The following AFG2A variants were observed in gnomAD, a reference collection of about 807,000 sequenced individuals.
AFG2A encodes the protein ATPase family gene 2 protein homolog A.
chr4:123,228,140 T>C, the AFG2A span, among the ~76,000 whole-genome samples: 4 of 152,176 alleles, frequency 2.6e-5, no homozygotes, highest in Admixed American at 2.0e-4. Flanking sequence ...GTTTCCTGAA[T>C]ACAGCACACT....
At chr4:123,193,306 A>G in the AFG2A span, among the ~76,000 whole-genome samples, 1 of 152,240 alleles carries the variant, frequency 6.6e-6, no homozygotes, top group South Asian at 2.1e-4. Flanking sequence ...GTACACTCAG[A>G]AAGTTTCTAA....
chr4:123,017,605 C>T, the AFG2A span, among the ~76,000 whole-genome samples: 2 of 151,874 alleles, frequency 1.3e-5, no homozygotes, highest in Non-Finnish European at 2.9e-5. Context: ...GTTTTCTCAA[C>T]CTTTTTTTTC....
At chr4:123,252,368 A>G in the AFG2A span, among the ~76,000 whole-genome samples, 1 of 152,198 alleles carries the variant, frequency 6.6e-6, no homozygotes, top group African/African-American at 2.4e-5. Flanking sequence ...CAAATTAACT[A>G]TGAGATTGTG....
the AFG2A span, among the ~76,000 whole-genome samples, chr4:123,025,084 G>A: frequency 6.6e-6 from 1 of 152,204 alleles, no homozygotes. Context: ...ATTAAATAAA[G>A]TGGTAACAAA....
At chr4:123,043,078 A>G in the AFG2A span, among the ~76,000 whole-genome samples, 1 of 152,088 alleles carries the variant, frequency 6.6e-6, no homozygotes, top group Admixed American at 6.6e-5. Flanking sequence ...TACTAGTGAC[A>G]TATCCTCTCA....
chr4:123,081,364 T>C, the AFG2A span, among the ~76,000 whole-genome samples: 1 of 152,210 alleles, frequency 6.6e-6, no homozygotes, highest in Non-Finnish European at 1.5e-5. Context: ...CTATGCAGTG[T>C]TCCTGTAGTT....
At chr4:123,147,196 G>A in the AFG2A span, among the ~76,000 whole-genome samples, 1 of 152,076 alleles carries the variant, frequency 6.6e-6, no homozygotes, top group Non-Finnish European at 1.5e-5. Context: ...TGTCTTGGTT[G>A]TGCATGGTAT....
the AFG2A span, among the ~76,000 whole-genome samples, chr4:123,016,575 A>G: frequency 2.7e-5 from 4 of 150,548 alleles, no homozygotes; most frequent in Non-Finnish European, 5.9e-5. Context: ...GCGGCCGGGT[A>G]GAGGTGCTCC....
At chr4:123,264,661 C>G in the AFG2A span, among the ~76,000 whole-genome samples, 3,248 of 152,186 alleles carry the variant, frequency 0.021, 105 homozygotes, top group African/African-American at 0.074. Context: ...TGTACCACTC[C>G]CCTTTTCCCT....
At chr4:123,255,934 C>T in the AFG2A span, 3 of 1,520,582 alleles carry the variant, frequency 2.0e-6, no homozygotes, top group Non-Finnish European at 2.7e-6. Context: ...CGTGAAATTC[C>T]AGACATCTTT....
the AFG2A span, among the ~76,000 whole-genome samples, chr4:123,273,348 C>T: frequency 6.6e-6 from 1 of 151,950 alleles, no homozygotes; most frequent in Non-Finnish European, 1.5e-5. Flanking sequence ...TTTGAGGTGT[C>T]TATAGATCAG....
the AFG2A span, among the ~76,000 whole-genome samples, chr4:122,934,938 GA>G: frequency 2.0e-5 from 3 of 152,206 alleles, no homozygotes; most frequent in African/African-American, 7.2e-5. Flanking sequence ...GTTGTAATGT[GA>G]ATTAGTGACA....
At chr4:123,218,341 T>A in the AFG2A span, among the ~76,000 whole-genome samples, 1 of 152,200 alleles carries the variant, frequency 6.6e-6, no homozygotes, top group Non-Finnish European at 1.5e-5. Context: ...TTTTATCGTT[T>A]GAAGTATTGA....
chr4:122,991,057 T>A, the AFG2A span, among the ~76,000 whole-genome samples: 1 of 152,266 alleles, frequency 6.6e-6, no homozygotes, highest in Non-Finnish European at 1.5e-5. Context: ...AAGGATTTCT[T>A]ATGGAAACTT....
At chr4:122,924,248 A>G in the AFG2A span, among the ~76,000 whole-genome samples, 3,256 of 152,270 alleles carry the variant, frequency 0.021, 59 homozygotes, top group Non-Finnish European at 0.035. Context: ...AAATCAGAAC[A>G]AAAGCTCCAC....
chr4:123,084,612 GTGTA>G, the AFG2A span, among the ~76,000 whole-genome samples: 8 of 148,928 alleles, frequency 5.4e-5, no homozygotes, highest in South Asian at 1.7e-3. Flanking sequence ...GTGTGTGTGT[GTGTA>G]TATATATATA....
At chr4:123,080,274 A>G in the AFG2A span, among the ~76,000 whole-genome samples, 2 of 152,314 alleles carry the variant, frequency 1.3e-5, no homozygotes, top group East Asian at 3.9e-4. Context: ...GCGCTCTCTC[A>G]AGTTTGTGCT....
At chr4:123,269,677 A>G in the AFG2A span, among the ~76,000 whole-genome samples, 2 of 152,218 alleles carry the variant, frequency 1.3e-5, no homozygotes, top group African/African-American at 4.8e-5. Context: ...TGAGACAAAC[A>G]TGAAGCACCA....
chr4:123,295,483 TA>T, the AFG2A span, among the ~76,000 whole-genome samples: 1 of 152,230 alleles, frequency 6.6e-6, no homozygotes, highest in Non-Finnish European at 1.5e-5. Flanking sequence ...CTGGGTTAAA[TA>T]AACTATGCTC....
Sources: allele counts gnomAD v4.1 joint callset (sites outside exome capture counted in the v4.1 genomes callset), GRCh38; gene constraint gnomAD v4.1.1; transcripts MANE v1.5; gene names NCBI Gene and HGNC (gene_info 2026-07-23, HGNC 2026-07-21).